ZNF749: variants seen among roughly 807,000 people sequenced by gnomAD.
ZNF749 encodes the protein zinc finger protein 749.
A neutral mutation model predicts 7.3 loss-of-function variants in ZNF749; 8 were observed. The observed-to-expected ratio is 1.10, with a 90% CI of 0.64 to 1.98. The LOEUF (loss-of-function observed/expected upper bound fraction) is 1.98, where lower values mean the gene tolerates loss of function less well. Ranked by LOEUF, ZNF749 falls within the 30% of genes most tolerant of loss-of-function variation. The probability of loss-of-function intolerance (pLI) is 0.00; values close to 1 mark genes in which losing one functional copy is unlikely to be tolerated. For synonymous variants in ZNF749, 310 were observed against 322.4 expected, an observed-to-expected ratio of 0.96 and a Z score of 0.41; for missense variants, 898 against 932.4, an observed-to-expected ratio of 0.96 and a Z score of 0.48.
Position 57,435,360 on chromosome 19 carries a change from G to A in ZNF749, c.-219G>A. ...GCGCCCTCATGGTTGCGTTAGCATGGCTACCTAGGGATCTGTTCACTGATT... is the reference window on the plus strand; with the variant it reads ...GCGCCCTCATGGTTGCGTTAGCATGACTACCTAGGGATCTGTTCACTGATT... On this transcript the variant is annotated 5_prime_UTR_variant, in exon 1 of 3. An upstream open reading frame in the 5' UTR gains an earlier in-frame stop. Coordinates refer to ENST00000334181, the MANE Select transcript of ZNF749 (RefSeq NM_001023561.4). 1 of 660,478 alleles carries A rather than the reference G, an allele frequency of 1.5e-6. No individual in the cohort carries two copies. Among genetic ancestry groups the A allele is most frequent in the South Asian group, 1.9e-5 (1 of 53,044 alleles). 40.9% of individuals were successfully genotyped at this position (660,478 alleles called of 1,614,324 possible).
Position 57,444,147 on chromosome 19 carries a change from G to A in ZNF749, c.999G>A (p.Lys333=). ...EQPYECNKCG[K]FFMYNSKLIR... is the part of the protein sequence containing the mutation. Reference sequence around the variant, plus strand: ...CCTATGAATGCAACAAGTGTGGGAAGTTTTTTATGTATAACTCCAAACTCA... The same window carrying A: ...CCTATGAATGCAACAAGTGTGGGAAATTTTTTATGTATAACTCCAAACTCA... The change falls in exon 3 of 3, where the codon AAG becomes AAA. Residue 333 remains lysine (K), a synonymous_variant. Transcript: ENST00000334181. 1 of 1,613,938 alleles carries A rather than the reference G, an allele frequency of 6.2e-7. No individual in the cohort carries two copies. Among genetic ancestry groups the A allele is most frequent in the Non-Finnish European group, 8.5e-7 (1 of 1,179,986 alleles).
upstream of ZNF749, among the ~76,000 whole-genome samples, chr19:57,432,561 TAA>T (rs750185614): frequency 2.6e-4 from 19 of 74,242 alleles, no homozygotes; most frequent in African/African-American, 6.0e-4. Flanking sequence ...GACTCTGTCT[TAA>T]AAAAAAAAAA....
Position 57,445,705 on chromosome 19 carries a change from G to C in ZNF749, c.*220G>C. The C allele has an allele frequency of 3.3e-6, 1 of 305,452 alleles. No individual in the cohort carries two copies. Among genetic ancestry groups the C allele is most frequent in the Non-Finnish European group, 4.8e-6 (1 of 208,486 alleles). 18.9% of individuals were successfully genotyped at this position (305,452 alleles called of 1,614,324 possible). A position where few individuals can be genotyped will look rare whatever the true frequency, so the allele number is the denominator to read the frequency against. ...GCACTTTGGGAGGCAGAGGTGGGTG[G>C]ATCACCTGAGGTCAGGAGTTTGAGA... On this transcript the variant is annotated 3_prime_UTR_variant, in exon 3 of 3. Transcript: ENST00000334181.
chr19:57,431,893 G>A (rs1314285975), upstream of ZNF749, among the ~76,000 whole-genome samples: 2 of 152,084 alleles, frequency 1.3e-5, no homozygotes, highest in Non-Finnish European at 2.9e-5. Context: ...CGTGATCTTG[G>A]CTCACTGCAA....
rs2089026806 is a variant in ZNF749, at chr19:57,444,080, C to T, written c.932C>T (p.Ala311Val). The change falls in exon 3 of 3, where the codon GCT (alanine) becomes GTT (valine). Residue 311 changes from alanine to valine, a missense_variant. Coordinates refer to ENST00000334181, the MANE Select transcript of ZNF749 (RefSeq NM_001023561.4). ...TQCGKAFLTQ[A>V]HLVGHQKTHT... ...TGTGGGAAGGCCTTTCTTACACAGGCTCATCTGGTTGGTCACCAGAAAACC... is the reference window on the plus strand; with the variant it reads ...TGTGGGAAGGCCTTTCTTACACAGGTTCATCTGGTTGGTCACCAGAAAACC... The T allele has an allele frequency of 1.2e-6, 2 of 1,614,042 alleles. No individual in the cohort carries two copies. Among genetic ancestry groups the T allele is most frequent in the South Asian group, 1.1e-5 (1 of 91,080 alleles).
Position 57,443,356 on chromosome 19 carries a change from C to G in ZNF749, c.208C>G (p.Gln70Glu). The G allele has an allele frequency of 1.2e-6, 2 of 1,614,130 alleles. No homozygotes were observed. The highest frequency in any genetic ancestry group is 8.5e-7 in the Non-Finnish European group (1 of 1,179,960). Residue 70 changes from glutamine to glutamate, a missense_variant, in exon 3 of 3, where the codon CAG becomes GAG. Coordinates refer to ENST00000334181, the MANE Select transcript of ZNF749 (RefSeq NM_001023561.4). ...GCAGTGTGTTTCTGTAAGAGTGTTACAGGTCACAATTCCAAAGCCAGCTTT... is the reference window on the plus strand; with the variant it reads ...GCAGTGTGTTTCTGTAAGAGTGTTAGAGGTCACAATTCCAAAGCCAGCTTT... The part of the protein sequence containing the change: ...SKQCVSVRVL[Q>E]VTIPKPALST...
At chr19:57,440,014 G>T (rs1327822575) in intron 1 of ZNF749, among the ~76,000 whole-genome samples, 1 of 152,136 alleles carries the variant, frequency 6.6e-6, no homozygotes, top group African/African-American at 2.4e-5. Context: ...TGGTGTTGGT[G>T]GGTGTCACAA....
rs991798770 is a variant in ZNF749 at position 57,446,262 on chromosome 19, G to T, written c.*777G>T. ...ACTGTGCCTGTGAGGGATCTAGGTT[G>T]TGTGCTCCTTATGAGAATCTAACTA... On this transcript the variant is annotated 3_prime_UTR_variant, in exon 3 of 3. Coordinates refer to ENST00000334181, the MANE Select transcript of ZNF749 (RefSeq NM_001023561.4). Among the ~76,000 whole-genome samples, 1 of 152,252 alleles carries T rather than the reference G, an allele frequency of 6.6e-6. No homozygotes were observed. Among genetic ancestry groups the T allele is most frequent in the Non-Finnish European group, 1.5e-5 (1 of 68,022 alleles).
intron 2 of ZNF749, 82 bp from the exon 3 acceptor site, chr19:57,443,208 GT>G: frequency 8.3e-7 from 1 of 1,206,832 alleles, no homozygotes; most frequent in Non-Finnish European, 1.2e-6. Context: ...TCATTTGTGG[GT>G]GTGTCTCACA....
Position 57,444,029 on chromosome 19 carries a change from G to A in ZNF749, c.881G>A (p.Arg294Lys). Residue 294 changes from arginine (R) to lysine (K), a missense_variant, in exon 3 of 3, where the codon AGA becomes AAA. Transcript: ENST00000334181. Reference protein sequence around the residue: ...DPIEHQEILSRPTPYECTQCG... With the variant: ...DPIEHQEILSKPTPYECTQCG... The stretch of plus-strand genomic sequence containing the variant: ...ATTGAACATCAGGAGATTCTCAGTA[G>A]ACCAACACCTTATGAATGCACCCAG... 1 of 1,613,944 alleles carries A rather than the reference G, an allele frequency of 6.2e-7. No homozygotes were observed. Among genetic ancestry groups the A allele is most frequent in the Non-Finnish European group, 8.5e-7 (1 of 1,179,894 alleles).
chr19:57,433,354 T>C (rs533286315), upstream of ZNF749, among the ~76,000 whole-genome samples: 8 of 152,274 alleles, frequency 5.3e-5, no homozygotes, highest in East Asian at 1.3e-3. Context: ...TATTCTGACT[T>C]GGGAGTGGTT....
At chr19:57,438,492 G>A (rs532567584) in intron 1 of ZNF749, 5 of 170,220 alleles carry the variant, frequency 2.9e-5, no homozygotes, top group Admixed American at 6.4e-5. Flanking sequence ...TTCTACGTTC[G>A]TCCCCCTTCA....
Position 57,444,910 on chromosome 19 carries a change from G to T in ZNF749, c.1762G>T (p.Glu588Ter). Residue 588 changes from glutamate (E) to a stop codon, truncating the protein, a stop_gained, in exon 3 of 3, where the codon GAA becomes TAA. Coordinates refer to ENST00000334181, the MANE Select transcript of ZNF749 (RefSeq NM_001023561.4). LOFTEE classifies it low-confidence loss of function (END_TRUNC). ...QTGERRYECN[E>*]CGKFFLDSYK... ...TGGAGAACGGCGTTATGAATGCAAT[G>T]AATGTGGGAAATTCTTTTTGGACAG... is the stretch of plus-strand genomic sequence containing the variant. 1.2e-6 allele frequency: 2 copies of T among 1,614,124 alleles called. No individual in the cohort carries two copies. The highest frequency in any genetic ancestry group is 1.7e-6 in the Non-Finnish European group (2 of 1,179,990).
At chr19:57,435,660 C>G in intron 1 of ZNF749, 67 bp downstream of exon 1, 4 of 1,570,164 alleles carry the variant, frequency 2.5e-6, no homozygotes, top group Non-Finnish European at 3.5e-6. Flanking sequence ...CAAGGAGCCG[C>G]CCTGCAGGTT....
intron 1 of ZNF749, chr19:57,438,386 A>C: frequency 3.6e-6 from 1 of 280,628 alleles, no homozygotes; most frequent in Non-Finnish European, 6.5e-6. Context: ...AGGGCTGTGG[A>C]AGCTCAGGGG....
rs1236700710 is a variant in ZNF749, at chr19:57,444,460, T to C, written c.1312T>C (p.Tyr438His). Residue 438 changes from tyrosine to histidine, a missense_variant, in exon 3 of 3, where the codon TAT becomes CAT. Physicochemically the swap from Tyr to His is moderately conservative, Grantham distance 83 (BLOSUM62 2). Transcript: ENST00000334181. ...HLKIHTGERP[Y>H]ECTECEKAFV... ...GAAAATTCATACTGGAGAACGGCCT[T>C]ATGAGTGCACTGAATGTGAGAAGGC... The C allele has an allele frequency of 6.2e-7, 1 of 1,614,056 alleles. No individual in the cohort carries two copies. The highest frequency in any genetic ancestry group is 2.2e-5 in the East Asian group (1 of 44,882).
chr19:57,430,438 G>A (rs2088894005), upstream of ZNF749, among the ~76,000 whole-genome samples: 1 of 152,214 alleles, frequency 6.6e-6, no homozygotes, highest in African/African-American at 2.4e-5. Context: ...TTAGATTTCA[G>A]CATGAGTTTG....
At position 57,441,921 on chromosome 19, in the gene ZNF749, T is replaced by G; in HGVS notation, c.52T>G (p.Ser18Ala). ...CTTTGAGGATGTGGCCATATATTTC[T>G]CCCAAGAGGAATGGGGGATCCTTAA... ...MVFEDVAIYF[S>A]QEEWGILNDA... is the part of the protein sequence containing the mutation. Residue 18 changes from serine (S) to alanine (A), a missense_variant, in exon 2 of 3, where the codon TCC (serine) becomes GCC (alanine). Transcript: ENST00000334181. 1 of 1,614,148 alleles carries G rather than the reference T, an allele frequency of 6.2e-7. No individual in the cohort carries two copies. Among genetic ancestry groups the G allele is most frequent in the Non-Finnish European group, 8.5e-7 (1 of 1,179,992 alleles).
At chr19:57,437,438 A>C (rs1267541868) in intron 1 of ZNF749, among the ~76,000 whole-genome samples, 2 of 152,206 alleles carry the variant, frequency 1.3e-5, no homozygotes, top group African/African-American at 4.8e-5. Context: ...AACATTAAGA[A>C]GTGTGGGCTG....
Sources: allele counts gnomAD v4.1 joint callset (sites outside exome capture counted in the v4.1 genomes callset), GRCh38; gene constraint gnomAD v4.1.1; transcripts MANE v1.5; gene names NCBI Gene and HGNC (gene_info 2026-07-23, HGNC 2026-07-21).